AGBL1: variants seen among roughly 807,000 people sequenced by gnomAD.
AGBL1 encodes AGBL carboxypeptidase 1.
AGBL1 carries 130 observed loss-of-function variants against 118.9 expected under a neutral mutation model. The observed-to-expected ratio is 1.09, with a 90% confidence interval of 0.95 to 1.26. The LOEUF is 1.26. Among genes scored for constraint, AGBL1 ranks in the 50% most tolerant of loss-of-function variants. The probability of loss-of-function intolerance (pLI) is 0.00; values close to 1 mark genes in which losing one functional copy is unlikely to be tolerated. For synonymous variants in AGBL1, 555 were observed against 478.9 expected (o/e 1.16, Z -2.08); for missense variants, 1,584 against 1,298.1 (o/e 1.22, Z -3.38).
chr15:86,951,857 C>G (rs938492150), intron 23 of AGBL1, among the ~76,000 whole-genome samples: 2 of 152,158 alleles, frequency 1.3e-5, no homozygotes, highest in African/African-American at 2.4e-5. Context: ...GCTATGTCTT[C>G]TTCATAACCA....
intron 20 of AGBL1, among the ~76,000 whole-genome samples, chr15:86,553,675 A>G (rs2083693081): frequency 6.6e-6 from 1 of 152,166 alleles, no homozygotes; most frequent in Non-Finnish European, 1.5e-5. Context: ...TGTAGTCTGT[A>G]AATTTCAAGT....
rs117184817 is a variant in AGBL1, at chr15:86,279,695, A to G, written c.2132A>G (p.Tyr711Cys). ...GGCGGAGCATCTGGGAAGTGCTACT[A>G]TACCCTCACCTTTGCTGTCACCTTC... ...VAGGASGKCY[Y>C]TLTFAVTFPH... Residue 711 changes from tyrosine to cysteine, a missense_variant, in exon 16 of 23, where the codon TAT (tyrosine) becomes TGT (cysteine). Transcript: ENST00000614907. 2.8e-3 allele frequency: 4,597 copies of G among 1,613,416 alleles called. 55 individuals are homozygous for G. The highest frequency in any genetic ancestry group is 0.026 in the East Asian group (1,155 of 44,856).
chr15:86,931,507 T>TA (rs139321543), intron 23 of AGBL1, among the ~76,000 whole-genome samples: 5,659 of 151,948 alleles, frequency 0.037, 162 homozygotes, highest in Middle Eastern at 0.085. Flanking sequence ...GGAATCTACA[T>TA]AAAAAAAATT....
At chr15:86,886,717 A>AGTT (rs1382780060) in intron 22 of AGBL1, among the ~76,000 whole-genome samples, 1 of 152,138 alleles carries the variant, frequency 6.6e-6, no homozygotes, top group Non-Finnish European at 1.5e-5. Context: ...GCTGTGGTAG[A>AGTT]GTTTTCAATT....
chr15:86,611,381 C>T (rs2084651044), intron 21 of AGBL1, among the ~76,000 whole-genome samples: 1 of 152,114 alleles, frequency 6.6e-6, no homozygotes, highest in Non-Finnish European at 1.5e-5. Context: ...AACACCAAAC[C>T]AGGAGGAAAT....
rs755745838 is a variant in AGBL1 at position 86,264,578 on chromosome 15, C to T, written c.1407C>T (p.Asp469=). 2.2e-5 allele frequency: 36 copies of T among 1,613,806 alleles called. No individual in the cohort carries two copies. The highest frequency in any genetic ancestry group is 1.3e-4 in the South Asian group (12 of 91,072). Residue 469 remains aspartate, a synonymous_variant, in exon 11 of 23, where the codon GAC becomes GAT. Coordinates refer to ENST00000614907, the MANE Select transcript of AGBL1 (RefSeq NM_001386094.1). ...CTTCCCCGAAAGCAGATGCCTGGGACGTAGATGCAATTTTCTGCCCAAGGA... is the reference window on the plus strand; with the variant it reads ...CTTCCCCGAAAGCAGATGCCTGGGATGTAGATGCAATTTTCTGCCCAAGGA... ...IQASPKADAW[D]VDAIFCPRMS... is the part of the protein sequence containing the mutation.
chr15:86,257,409 A>C (rs995064827), intron 8 of AGBL1, among the ~76,000 whole-genome samples: 2 of 152,240 alleles, frequency 1.3e-5, no homozygotes, highest in African/African-American at 4.8e-5. Context: ...TTACAACTGC[A>C]GGCTAGTCAT....
At chr15:86,485,525 A>G (rs562007127) in intron 18 of AGBL1, among the ~76,000 whole-genome samples, 2 of 152,278 alleles carry the variant, frequency 1.3e-5, no homozygotes, top group African/African-American at 4.8e-5. Context: ...AAGCAGCCAC[A>G]GACAATAACT....
chr15:86,645,118 T>A (rs1322020236), intron 21 of AGBL1, among the ~76,000 whole-genome samples: 2 of 152,240 alleles, frequency 1.3e-5, no homozygotes, highest in Non-Finnish European at 2.9e-5. Context: ...TATCAACATG[T>A]TAATATTATC....
chr15:86,982,311 A>C (rs1266464400), intron 23 of AGBL1, among the ~76,000 whole-genome samples: 1 of 151,930 alleles, frequency 6.6e-6, no homozygotes, highest in Admixed American at 6.6e-5. Context: ...TTTGAAACTC[A>C]CTCATGTTGA....
At chr15:87,029,575 GTCC>G (rs1245290986), downstream of AGBL1, among the ~76,000 whole-genome samples, 1 of 151,750 alleles carries the variant, frequency 6.6e-6, no homozygotes, top group Non-Finnish European at 1.5e-5. Context: ...TTCTTATTTT[GTCC>G]TCCTACAAAC....
At chr15:86,202,583 G>C (rs1406824297) in intron 5 of AGBL1, among the ~76,000 whole-genome samples, 1 of 152,164 alleles carries the variant, frequency 6.6e-6, no homozygotes, top group Non-Finnish European at 1.5e-5. Context: ...GTACTCAGTG[G>C]ATTCCACTGA....
chr15:86,611,754 T>A (rs1225073414), intron 21 of AGBL1, among the ~76,000 whole-genome samples: 1 of 151,230 alleles, frequency 6.6e-6, no homozygotes, highest in Non-Finnish European at 1.5e-5. Flanking sequence ...AGAGAAGAGG[T>A]TCATATTAGA....
At chr15:86,535,494 A>C (rs1315554191) in intron 19 of AGBL1, among the ~76,000 whole-genome samples, 3 of 152,236 alleles carry the variant, frequency 2.0e-5, no homozygotes, top group Non-Finnish European at 4.4e-5. Flanking sequence ...TTGGGGCTTC[A>C]GAAATGGGAA....
intron 24 of AGBL1, among the ~76,000 whole-genome samples, chr15:87,011,527 C>T (rs2081559956): frequency 6.6e-6 from 1 of 152,128 alleles, no homozygotes; most frequent in Non-Finnish European, 1.5e-5. Context: ...CCAAAATATT[C>T]CCCTTGTATT....
chr15:86,746,520 C>G (rs1299943284), intron 22 of AGBL1, among the ~76,000 whole-genome samples: 1 of 152,064 alleles, frequency 6.6e-6, no homozygotes, highest in Non-Finnish European at 1.5e-5. Flanking sequence ...TTATAATTCC[C>G]TGATCGTGCA....
intron 22 of AGBL1, among the ~76,000 whole-genome samples, chr15:86,836,464 C>T (rs374678807): frequency 3.1e-4 from 47 of 152,210 alleles, no homozygotes; most frequent in Non-Finnish European, 4.4e-4. Flanking sequence ...CCAGACACAC[C>T]GACATCAGGC....
intron 22 of AGBL1, among the ~76,000 whole-genome samples, chr15:86,722,185 G>C (rs1486270002): frequency 6.6e-6 from 1 of 152,210 alleles, no homozygotes; most frequent in Non-Finnish European, 1.5e-5. Flanking sequence ...CCAAAAGAGA[G>C]CCCGCATTGC....
Position 86,583,529 on chromosome 15 carries a change from G to T in AGBL1, c.2994+28992G>T, listed in dbSNP as rs2346704. On this transcript the variant is annotated intron_variant, in intron 21 of 22. Coordinates refer to ENST00000614907, the MANE Select transcript of AGBL1 (RefSeq NM_001386094.1). ...GGACATGATTTCATCTTTTATGGCT[G>T]TGTGGTATTCAATGGTGTATATATG... 1.5e-3 allele frequency among the ~76,000 whole-genome samples: 223 copies of T among 152,276 alleles called. 1 individual carries two copies. Among genetic ancestry groups the T allele is most frequent in the Middle Eastern group, 3.4e-3 (1 of 294 alleles).
Sources: allele counts gnomAD v4.1 joint callset (sites outside exome capture counted in the v4.1 genomes callset), GRCh38; gene constraint gnomAD v4.1.1; transcripts MANE v1.5; gene names NCBI Gene and HGNC (gene_info 2026-07-23, HGNC 2026-07-21).